The following LPIN1 variants were observed in gnomAD, a reference collection of about 807,000 sequenced individuals.
The protein encoded by LPIN1 is phosphatidate phosphatase LPIN1.
LPIN1 carries 71 observed loss-of-function variants against 107.5 expected under a neutral mutation model. The ratio of observed to expected loss-of-function variants is 0.66; its 90% CI spans 0.55 to 0.80. The LOEUF (loss-of-function observed/expected upper bound fraction) is 0.80, where lower values mean the gene tolerates loss of function less well. Ranked by LOEUF, LPIN1 falls within the 30% of genes least tolerant of loss-of-function variation. LPIN1 has a pLI of 0.00. For missense variants in LPIN1, 1,043 were observed against 1,160.6 expected (o/e 0.90, Z 1.47); for synonymous variants, 445 against 452.6 (o/e 0.98, Z 0.21).
chr2:11,790,214 T>C (rs1319144951), intron 12 of LPIN1, among the ~76,000 whole-genome samples: 3 of 152,248 alleles, frequency 2.0e-5, no homozygotes, highest in Non-Finnish European at 2.9e-5. Context: ...TTGGTGAAGA[T>C]GATTTTTGTT....
At position 11,825,054 on chromosome 2, in the gene LPIN1, G is replaced by T; in HGVS notation, c.*263G>T. 2.0e-6 allele frequency: 1 copy of T among 512,610 alleles called. No individual in the cohort carries two copies. The highest frequency in any genetic ancestry group is 3.6e-6 in the Non-Finnish European group (1 of 281,126). The allele number at this position is 512,610 out of a possible 1,614,324, so 31.8% of individuals were successfully genotyped here. A position where few individuals can be genotyped will look rare whatever the true frequency, so the allele number is the denominator to read the frequency against. Reference sequence around the variant, plus strand: ...ATTCCTCAGTTGTGGCTTAATGCCAGTTACGACGCTGCCTTTCCGGCCTGC... The same window carrying T: ...ATTCCTCAGTTGTGGCTTAATGCCATTTACGACGCTGCCTTTCCGGCCTGC... On this transcript the variant is annotated 3_prime_UTR_variant, in exon 21 of 21. Transcript: ENST00000674199. The surrounding 1 kb of genome is among the most constrained non-coding windows in gnomAD (Gnocchi z 4.1).
At chr2:11,691,631 CCA>C (rs1403531403) in intron 1 of LPIN1, among the ~76,000 whole-genome samples, 2 of 152,184 alleles carry the variant, frequency 1.3e-5, no homozygotes, top group African/African-American at 4.8e-5. Context: ...ATTTGCTTAT[CCA>C]TTGATATACT....
intron 17 of LPIN1, among the ~76,000 whole-genome samples, chr2:11,811,450 A>C (rs1370494136): frequency 6.6e-6 from 1 of 152,006 alleles, no homozygotes; most frequent in African/African-American, 2.4e-5. Context: ...CCATTAGGTC[A>C]CTCTCGAGCT....
chr2:11,714,748 C>T (rs1479052812), intron 2 of LPIN1, among the ~76,000 whole-genome samples: 1 of 152,228 alleles, frequency 6.6e-6, no homozygotes, highest in Non-Finnish European at 1.5e-5. Flanking sequence ...AGTGTCCCTA[C>T]TGTGGCCTGG....
chr2:11,736,776 C>T (rs925383410), intron 1 of LPIN1, among the ~76,000 whole-genome samples: 1 of 152,228 alleles, frequency 6.6e-6, no homozygotes, highest in Non-Finnish European at 1.5e-5. Flanking sequence ...CATCTATTCT[C>T]TTAGATTTGC....
At chr2:11,721,265 T>C (rs6757182), upstream of LPIN1, among the ~76,000 whole-genome samples, 1,003 of 30,246 alleles carry the variant, frequency 0.033, 10 homozygotes, top group African/African-American at 0.058. Flanking sequence ...ACTGCATGCG[T>C]GTGTGTGTGT....
intron 13 of LPIN1, among the ~76,000 whole-genome samples, chr2:11,794,621 C>T (rs1676345809): frequency 1.3e-5 from 2 of 148,348 alleles, no homozygotes; most frequent in Admixed American, 6.7e-5. Flanking sequence ...CGTAGATTTC[C>T]TCTCCTGACG....
chr2:11,742,883 C>T (rs1411940113), upstream of LPIN1, among the ~76,000 whole-genome samples: 1 of 152,254 alleles, frequency 6.6e-6, no homozygotes, highest in Non-Finnish European at 1.5e-5. Flanking sequence ...TTTCAAGCAC[C>T]TGTGCGTGCC....
chr2:11,767,428 G>C (rs1671093968), intron 2 of LPIN1: 1 of 323,008 alleles, frequency 3.1e-6, no homozygotes, highest in Admixed American at 4.4e-5. Flanking sequence ...GGTCTCGGAG[G>C]AATCTTTCTA....
At chr2:11,814,027 G>A (rs967681193) in intron 17 of LPIN1, among the ~76,000 whole-genome samples, 2 of 152,204 alleles carry the variant, frequency 1.3e-5, no homozygotes, top group Non-Finnish European at 2.9e-5. Flanking sequence ...TGTGGAAGTG[G>A]GTGAGGTTCC....
chr2:11,705,816 T>C (rs758831509), intron 1 of LPIN1, among the ~76,000 whole-genome samples: 1 of 152,168 alleles, frequency 6.6e-6, no homozygotes, highest in Non-Finnish European at 1.5e-5. Context: ...TGGGAAGTTA[T>C]ATAATGGCTT....
intron 17 of LPIN1, among the ~76,000 whole-genome samples, chr2:11,808,886 AGAG>A (rs1316460532): frequency 1.7e-4 from 20 of 117,382 alleles, no homozygotes; most frequent in African/African-American, 4.5e-4. Context: ...AAAAAAAAAA[AGAG>A]AGAGCGAGAG....
intron 13 of LPIN1, among the ~76,000 whole-genome samples, chr2:11,793,963 T>C (rs2148678894): frequency 6.6e-6 from 1 of 152,326 alleles, no homozygotes; most frequent in African/African-American, 2.4e-5. Context: ...GAAAGTAGTA[T>C]GAAGAAGCCA....
intron 8 of LPIN1, 92 bp from the exon 9 acceptor site, chr2:11,783,737 A>G (rs762775833): frequency 1.1e-4 from 120 of 1,049,898 alleles, no homozygotes; most frequent in Non-Finnish European, 1.7e-4. Flanking sequence ...GCAAATCTGC[A>G]CATAGTGTTT....
intron 2 of LPIN1, among the ~76,000 whole-genome samples, chr2:11,717,887 CT>C (rs1663860071): frequency 6.6e-6 from 1 of 152,166 alleles, no homozygotes; most frequent in Non-Finnish European, 1.5e-5. Context: ...GTCCAGAGAC[CT>C]TGTTCTTAAG....
In LPIN1 at chr2:11,795,016, A is replaced by G. The variant is rs551820796; in HGVS notation, c.1807-392A>G. ...CTTTCACATCTTCCCCAAGCAAAAT[A>G]TGGTACAAAAATATTTTCAAGCGTT... is the stretch of plus-strand genomic sequence containing the variant. On this transcript the variant is annotated intron_variant, in intron 13 of 20. Coordinates refer to ENST00000674199, the MANE Select transcript of LPIN1 (RefSeq NM_001349206.2). Among the ~76,000 whole-genome samples, 6 of 152,316 alleles carry G rather than the reference A, an allele frequency of 3.9e-5. No individual in the cohort carries two copies. In the East Asian group the frequency reaches 7.7e-4, roughly 20 times the overall value.
In LPIN1 at chr2:11,795,492, G is replaced by T. The variant is rs201689636; in HGVS notation, c.1886+5G>T. On this transcript the variant is annotated splice_donor_5th_base_variant and intron_variant, in intron 14 of 20. Transcript: ENST00000674199. The stretch of plus-strand genomic sequence containing the variant: ...GCAGCTCAGCTTGGCCACCAGGTGC[G>T]GTAGGAGGCTTCTTGGGATGTTTGC... 1.2e-6 allele frequency: 2 copies of T among 1,613,596 alleles called. No homozygotes were observed. The highest frequency in any genetic ancestry group is 1.7e-5 in the Admixed American group (1 of 60,000).
rs1017289470 is a variant in LPIN1 at position 11,767,956 on chromosome 2, C to T, written c.288+98C>T. On this transcript the variant is annotated intron_variant, in intron 3 of 20. Coordinates refer to ENST00000674199, the MANE Select transcript of LPIN1 (RefSeq NM_001349206.2). ...AGAAGTTTGTGCAAAGTAATACCGG[C>T]CGTGGCTGTGTGGACGATGGGGCAG... The T allele has an allele frequency of 5.0e-5, 41 of 825,022 alleles. 1 individual carries two copies. The African/African-American group carries it at 6.4e-4, about 13-fold the overall frequency. 51.1% of individuals were successfully genotyped at this position (825,022 alleles called of 1,614,324 possible).
At chr2:11,704,999 C>G (rs1017866881) in intron 1 of LPIN1, among the ~76,000 whole-genome samples, 1 of 152,224 alleles carries the variant, frequency 6.6e-6, no homozygotes, top group Non-Finnish European at 1.5e-5. Context: ...CTTGTGGGAA[C>G]TTCCACTGGT....
Sources: allele counts gnomAD v4.1 joint callset (sites outside exome capture counted in the v4.1 genomes callset), GRCh38; gene constraint gnomAD v4.1.1; non-coding constraint Gnocchi (gnomAD v3.1); transcripts MANE v1.5; gene names NCBI Gene and HGNC (gene_info 2026-07-23, HGNC 2026-07-21).